The following SPAG9 variants were observed in gnomAD, a reference collection of about 807,000 sequenced individuals.
SPAG9 encodes the protein C-Jun-amino-terminal kinase-interacting protein 4.
Under a neutral mutation model 166.5 loss-of-function variants are expected in SPAG9, and 35 were observed. The ratio of observed to expected loss-of-function variants is 0.21; its 90% CI spans 0.16 to 0.28. SPAG9 has a LOEUF of 0.28. Ranked by LOEUF, SPAG9 falls within the 10% of genes least tolerant of loss-of-function variation. The probability of loss-of-function intolerance (pLI) is 1.00; values close to 1 mark genes in which losing one functional copy is unlikely to be tolerated. For synonymous variants in SPAG9, 534 were observed against 565.5 expected, an observed-to-expected ratio of 0.94 and a Z score of 0.79; for missense variants, 1,235 against 1,603.3, an observed-to-expected ratio of 0.77 and a Z score of 3.92.
chr17:51,088,861 G>A lies in SPAG9; in HGVS notation c.304-9157C>T, dbSNP rs558766312. Among the ~76,000 whole-genome samples, 9 of 152,020 alleles carry A rather than the reference G, an allele frequency of 5.9e-5. No homozygotes were observed. In the East Asian group the frequency reaches 1.2e-3, roughly 20 times the overall value. On this transcript the variant is annotated intron_variant, in intron 1 of 29. Transcript: ENST00000262013. ...TGTAATCCCAGCACTTTGGGAGGCCGAGGCAGGTGGGTCATGTGGTCAAGA... is the reference window on the plus strand; with the variant it reads ...TGTAATCCCAGCACTTTGGGAGGCCAAGGCAGGTGGGTCATGTGGTCAAGA...
At chr17:51,014,554 T>C (rs559820662) in intron 8 of SPAG9, 1 of 473,312 alleles carries the variant, frequency 2.1e-6, no homozygotes, top group African/African-American at 2.0e-5. Context: ...GTGAAGAAAT[T>C]ATAGAATGTT....
intron 1 of SPAG9, among the ~76,000 whole-genome samples, chr17:51,104,659 T>C (rs543800629): frequency 2.0e-5 from 3 of 150,904 alleles, no homozygotes; most frequent in Non-Finnish European, 4.4e-5. Context: ...ATAGGCCGGG[T>C]GCGGTGGCTC....
chr17:51,058,850 G>T (rs1409048230), intron 2 of SPAG9, among the ~76,000 whole-genome samples: 1 of 152,182 alleles, frequency 6.6e-6, no homozygotes, highest in East Asian at 1.9e-4. Context: ...AACTTGGTAT[G>T]CCCAATTTAA....
intron 25 of SPAG9, among the ~76,000 whole-genome samples, chr17:50,981,134 G>A (rs1057399902): frequency 6.6e-6 from 1 of 152,052 alleles, no homozygotes; most frequent in Non-Finnish European, 1.5e-5. Flanking sequence ...AAATCTGAAA[G>A]TGTTTAAGTG....
intron 7 of SPAG9, among the ~76,000 whole-genome samples, chr17:51,020,889 G>GT (rs1431630073): frequency 6.6e-6 from 1 of 152,100 alleles, no homozygotes; most frequent in African/African-American, 2.4e-5. Flanking sequence ...CTAATACAAT[G>GT]TAAATGCTAT....
At chr17:50,970,611 T>C in intron 29 of SPAG9, 96 bp downstream of exon 29, 1 of 1,045,112 alleles carries the variant, frequency 9.6e-7, no homozygotes, top group Middle Eastern at 2.2e-4. Flanking sequence ...GAGAACCTCT[T>C]ATAAATCATT....
intron 2 of SPAG9, among the ~76,000 whole-genome samples, chr17:51,073,259 C>T (rs1420869180): frequency 5.3e-5 from 8 of 151,672 alleles, no homozygotes; most frequent in African/African-American, 1.5e-4. Context: ...ACCCAGGAGG[C>T]GGAGCTTGCA....
Position 51,011,366 on chromosome 17 carries a change from A to G in SPAG9, c.1213+2866T>C, listed in dbSNP as rs568170328. 6.6e-5 allele frequency among the ~76,000 whole-genome samples: 10 copies of G among 150,926 alleles called. 1 individual carries two copies. Among genetic ancestry groups the G allele is most frequent in the African/African-American group, 2.4e-4 (10 of 41,228 alleles). On this transcript the variant is annotated intron_variant, in intron 9 of 29. Transcript: ENST00000262013. ...TTCAAATTTGTTATCACTGAATTAC[A>G]CAGAAGAGAAGCCAAGGACTTTTTT...
chr17:51,003,583 TAGAC>T lies in SPAG9; in HGVS notation c.1476+1625_1476+1628del, dbSNP rs1172803197. On this transcript the variant is annotated intron_variant, in intron 12 of 29. Transcript: ENST00000262013. ...CAACTGTATTAGCCAGAATTACTCT[TAGAC>T]AGAGTATGTGAATATAGAGTGAGCA... Among the ~76,000 whole-genome samples, 6 of 152,144 alleles carry T rather than the reference TAGAC, an allele frequency of 3.9e-5. No individual in the cohort carries two copies. The East Asian group carries it at 1.2e-3, about 29-fold the overall frequency.
chr17:51,032,855 A>G (rs1331620109), intron 5 of SPAG9, among the ~76,000 whole-genome samples: 1 of 152,042 alleles, frequency 6.6e-6, no homozygotes, highest in Non-Finnish European at 1.5e-5. Context: ...AATCGCTTGA[A>G]CCCAGGAGGA....
intron 28 of SPAG9, among the ~76,000 whole-genome samples, chr17:50,973,646 G>T (rs1244968871): frequency 6.6e-6 from 1 of 152,198 alleles, no homozygotes; most frequent in African/African-American, 2.4e-5. Flanking sequence ...CACCAGTCTA[G>T]ATATCATTGT....
At chr17:51,049,848 T>C (rs1309228613) in intron 3 of SPAG9, among the ~76,000 whole-genome samples, 4 of 152,200 alleles carry the variant, frequency 2.6e-5, no homozygotes, top group African/African-American at 7.2e-5. Context: ...TCCACCCGCC[T>C]TGGCCTCCCA....
chr17:51,082,565 TG>T (rs1345832594), intron 1 of SPAG9, among the ~76,000 whole-genome samples: 2 of 152,220 alleles, frequency 1.3e-5, no homozygotes, highest in Admixed American at 6.5e-5. Flanking sequence ...TGTTCACTGC[TG>T]TATACCCAGT....
intron 3 of SPAG9, 114 bp downstream of exon 3, chr17:51,056,298 A>G (rs2047361598): frequency 2.9e-6 from 2 of 686,386 alleles, no homozygotes; most frequent in Non-Finnish European, 5.1e-6. Flanking sequence ...AGAATCCCCA[A>G]GAATTATTCT....
chr17:50,998,819 CTA>C (rs2044795532), intron 14 of SPAG9, among the ~76,000 whole-genome samples: 1 of 152,234 alleles, frequency 6.6e-6, no homozygotes, highest in Non-Finnish European at 1.5e-5. Flanking sequence ...TGAAGAGAAA[CTA>C]TTGCTTAGAA....
chr17:51,025,438 G>C (rs1334629166), intron 6 of SPAG9, among the ~76,000 whole-genome samples: 1 of 150,024 alleles, frequency 6.7e-6, no homozygotes, highest in East Asian at 1.9e-4. Context: ...CATTTGTTTG[G>C]AGTTGAGTCA....
At chr17:51,099,182 C>T (rs1003922641) in intron 1 of SPAG9, among the ~76,000 whole-genome samples, 9 of 151,444 alleles carry the variant, frequency 5.9e-5, no homozygotes, top group Admixed American at 2.0e-4. Context: ...GCCTGTAATC[C>T]CAACACTTTG....
rs575814843 is a variant in SPAG9, at chr17:51,021,254, C to T, written c.895G>A (p.Glu299Lys). 112 of 1,614,082 alleles carry T rather than the reference C, an allele frequency of 6.9e-5. 1 individual carries two copies. The South Asian group carries it at 1.1e-3, about 16-fold the overall frequency. The change falls in exon 7 of 30, where the codon GAA (glutamate) becomes AAA (lysine). Residue 299 changes from glutamate to lysine, a missense_variant. This residue lies in a region of SPAG9 where 288 missense variants were observed against 323.7 expected (regional missense o/e 0.89). Coordinates refer to ENST00000262013, the MANE Select transcript of SPAG9 (RefSeq NM_001130528.3). ...PTDTPLKEEN[E>K]GFVKVTDAPN... ...GCATCTGTAACCTTCACAAATCCTT[C>T]GTTTTCTTCCTTTAAGGGAGTATCA...
intron 1 of SPAG9, among the ~76,000 whole-genome samples, chr17:51,108,700 T>A (rs1222915933): frequency 6.6e-6 from 1 of 152,310 alleles, no homozygotes; most frequent in East Asian, 1.9e-4. Context: ...TCTCACTATG[T>A]TGCCCAGGCT....
Sources: gnomAD v4.1 joint callset for allele counts (sites outside exome capture counted in the v4.1 genomes callset) on GRCh38, gnomAD v4.1.1 for gene constraint, gnomAD v4.1.1 regional missense constraint, MANE v1.5 for transcripts, NCBI Gene and HGNC (gene_info 2026-07-23, HGNC 2026-07-21) for gene names.